Variants in MRPL43 observed in about 807,000 individuals in gnomAD.
The protein encoded by MRPL43 is mitochondrial ribosomal protein L43.
In MRPL43, 9 loss-of-function variants were observed where a neutral mutation model predicts 12.7. That is an observed-to-expected ratio of 0.71 (90% CI 0.43 to 1.24). MRPL43 has a LOEUF of 1.24. Among genes scored for constraint, MRPL43 ranks in the 50% most tolerant of loss-of-function variants. The pLI, the probability that MRPL43 is intolerant of heterozygous loss-of-function variation, is 0.00. For missense variants in MRPL43, 211 were observed against 229.2 expected (o/e 0.92, Z 0.51); for synonymous variants, 116 against 96.4 (o/e 1.20, Z -1.19).
At chr10:100,983,673 C>A, downstream of MRPL43, 1 of 1,613,446 alleles carries the variant, frequency 6.2e-7, no homozygotes, top group South Asian at 1.1e-5. Flanking sequence ...GCTTGGTGGC[C>A]TCTGCCTCAT....
chr10:100,980,545 T>C (rs1325217375), downstream of MRPL43: 4 of 1,559,120 alleles, frequency 2.6e-6, no homozygotes, highest in Admixed American at 1.7e-5. Flanking sequence ...GATCCCATAG[T>C]TGGGGTCTAA....
chr10:100,978,681 TA>T (rs757655577), downstream of MRPL43: 1 of 1,589,820 alleles, frequency 6.3e-7, no homozygotes, highest in East Asian at 2.2e-5. Flanking sequence ...GGTAGGGGAC[TA>T]TTTCTTCATT....
At chr10:100,980,504 G>A (rs376350862), downstream of MRPL43, 57 of 1,423,144 alleles carry the variant, frequency 4.0e-5, no homozygotes, top group Middle Eastern at 5.4e-4. Flanking sequence ...TGAGCTGTTC[G>A]TATTAGGCCT....
downstream of MRPL43, among the ~76,000 whole-genome samples, chr10:100,982,589 C>A (rs1287163384): frequency 1.3e-5 from 2 of 152,108 alleles, no homozygotes; most frequent in African/African-American, 4.8e-5. Context: ...GTCAGGAGTT[C>A]GAGACAAGCC....
At chr10:100,978,950 G>A (rs199950454), downstream of MRPL43, 131 of 1,614,218 alleles carry the variant, frequency 8.1e-5, no homozygotes, top group Non-Finnish European at 1.0e-4. Context: ...TGCCACTGAG[G>A]AGGGCTCTGG....
At chr10:100,980,415 C>A, downstream of MRPL43, 1 of 1,485,678 alleles carries the variant, frequency 6.7e-7, no homozygotes. Flanking sequence ...TTAATTCCTG[C>A]CATGACTAGT....
downstream of MRPL43, chr10:100,980,257 A>T (rs776709167): frequency 1.2e-6 from 2 of 1,614,198 alleles, no homozygotes; most frequent in Non-Finnish European, 1.7e-6. Flanking sequence ...CCTGCTGCTC[A>T]AGCGCAACAT....
downstream of MRPL43, chr10:100,983,524 ATGGCCTCCGCACCCTGC>A: frequency 6.2e-7 from 1 of 1,614,120 alleles, no homozygotes; most frequent in Non-Finnish European, 8.5e-7. Flanking sequence ...GCCGAGGAAA[ATGGCCTCCGCACCCTGC>A]TGGCCTCCTA....
chr10:100,978,447 C>A, downstream of MRPL43: 1 of 1,597,198 alleles, frequency 6.3e-7, no homozygotes, highest in Admixed American at 1.7e-5. Context: ...GATCTCATCT[C>A]TAGGACCTGC....
chr10:100,983,921 G>T, downstream of MRPL43: 1 of 144,462 alleles, frequency 6.9e-6, no homozygotes, highest in South Asian at 6.8e-5. Flanking sequence ...CACCCCCACC[G>T]CCCCCACCGC....
downstream of MRPL43, chr10:100,981,368 GCA>G: frequency 6.2e-7 from 1 of 1,608,140 alleles, no homozygotes; most frequent in Non-Finnish European, 8.5e-7. Context: ...ACAGAGCCTG[GCA>G]CAGAGTAAGT....
Position 100,986,329 on chromosome 10 carries a change from T to C in MRPL43, c.*405A>G, listed in dbSNP as rs1032811047. 7.0e-7 allele frequency: 1 copy of C among 1,430,622 alleles called. No homozygotes were observed. The highest frequency in any genetic ancestry group is 9.1e-7 in the Non-Finnish European group (1 of 1,098,322). 88.6% of individuals were successfully genotyped at this position (1,430,622 alleles called of 1,614,324 possible). ...TTATAAATCTGTATTCACACAGATA[T>C]AAAGTGCCTAGCCCATCACAGCAGA... On this transcript the variant is annotated 3_prime_UTR_variant, in exon 3 of 3. Coordinates refer to ENST00000318364, the MANE Select transcript of MRPL43 (RefSeq NM_032112.3).
chr10:100,986,711 G>A lies in MRPL43; in HGVS notation c.*23C>T. 2 of 1,613,962 alleles carry A rather than the reference G, an allele frequency of 1.2e-6. No individual in the cohort carries two copies. The highest frequency in any genetic ancestry group is 2.2e-5 in the South Asian group (2 of 91,084). ...CCGGAGTAACAGTCCAAAGCCTGGGGCTGCAGTTGGTGGGGCAACTCTTCA... is the reference window on the plus strand; with the variant it reads ...CCGGAGTAACAGTCCAAAGCCTGGGACTGCAGTTGGTGGGGCAACTCTTCA... On this transcript the variant is annotated 3_prime_UTR_variant, in exon 3 of 3. Coordinates refer to ENST00000318364, the MANE Select transcript of MRPL43 (RefSeq NM_032112.3).
downstream of MRPL43, chr10:100,979,331 G>T: frequency 6.2e-7 from 1 of 1,614,030 alleles, no homozygotes; most frequent in Non-Finnish European, 8.5e-7. Flanking sequence ...CTGGAGCAGA[G>T]GTCAATGAGG....
chr10:100,980,002 C>T, downstream of MRPL43: 1 of 1,613,938 alleles, frequency 6.2e-7, no homozygotes, highest in Non-Finnish European at 8.5e-7. Flanking sequence ...GGTGAGTGCC[C>T]AGGCCTGGGG....
At chr10:100,980,784 G>GGGGACGCTGCC (rs1851030159), downstream of MRPL43, 3 of 1,570,364 alleles carry the variant, frequency 1.9e-6, no homozygotes, top group Non-Finnish European at 2.6e-6. Flanking sequence ...CTGTATGAGT[G>GGGGACGCTGCC]GGGACGCTGC....
downstream of MRPL43, chr10:100,986,259 A>C (rs944395276): frequency 1.4e-5 from 19 of 1,321,820 alleles, no homozygotes; most frequent in African/African-American, 2.8e-4. Flanking sequence ...ACACATTTTG[A>C]AGACAGACCT....
chr10:100,983,426 C>A, downstream of MRPL43: 1 of 1,613,522 alleles, frequency 6.2e-7, no homozygotes, highest in Non-Finnish European at 8.5e-7. Flanking sequence ...TGGGCCTGAG[C>A]GATGGGCAGG....
At position 100,986,749 on chromosome 10, in the gene MRPL43, C is replaced by G; in HGVS notation, c.465G>C (p.Gln155His). The change falls in exon 3 of 3, where the codon CAG (glutamine) becomes CAC (histidine). Residue 155 changes from glutamine to histidine, a missense_variant. By Grantham distance (24) the Gln-to-His change is conservative. Transcript: ENST00000318364. The stretch of plus-strand genomic sequence containing the variant: ...GGGCAACTCTTCACTGTGCTTGCAC[C>G]TGGGCTGGGGCAGGATCCTGAACCT... The part of the protein sequence containing the change: ...PREVQDPAPA[Q>H]VQAQ 1 of 1,613,870 alleles carries G rather than the reference C, an allele frequency of 6.2e-7. No homozygotes were observed. The highest frequency in any genetic ancestry group is 8.5e-7 in the Non-Finnish European group (1 of 1,180,006).
Sources: gnomAD v4.1 joint callset for allele counts (sites outside exome capture counted in the v4.1 genomes callset) on GRCh38, gnomAD v4.1.1 for gene constraint, MANE v1.5 for transcripts, NCBI Gene and HGNC (gene_info 2026-07-23, HGNC 2026-07-21) for gene names.